HERC1: variants seen among roughly 807,000 people sequenced by gnomAD.
The protein encoded by HERC1 is probable E3 ubiquitin-protein ligase HERC1.
Under a neutral mutation model 554.3 loss-of-function variants are expected in HERC1, and 160 were observed. That is an observed-to-expected ratio of 0.29 (90% CI 0.25 to 0.33). HERC1 has a LOEUF of 0.33. HERC1 is among the 10% of genes least tolerant of loss of function. The probability of loss-of-function intolerance (pLI) is 1.00; values close to 1 mark genes in which losing one functional copy is unlikely to be tolerated. For synonymous variants in HERC1, 2,175 were observed against 2,131.7 expected (o/e 1.02, Z -0.56); for missense variants, 4,919 against 5,918.5 (o/e 0.83, Z 5.54).
intron 63 of HERC1, 135 bp from the exon 64 acceptor site, chr15:63,637,778 ATAT>A: frequency 1.8e-5 from 13 of 718,054 alleles, no homozygotes; most frequent in Non-Finnish European, 2.6e-5. Context: ...GGAAGAGTTG[ATAT>A]AACTATGCAG....
In HERC1 at chr15:63,612,645, CT is replaced by C; in HGVS notation, c.14095-90del. On this transcript the variant is annotated intron_variant, in intron 76 of 77. Coordinates refer to ENST00000443617, the MANE Select transcript of HERC1 (RefSeq NM_003922.4). This position sits in a 1 kb window ranked among gnomAD's most constrained non-coding sequence, Gnocchi z 5.0. ...TGTGGGGCTAGGCGCCTCCTGATGC[CT>C]GCTCGTCCGCTCCCCAGACCCTCTA... 7.7e-7 allele frequency: 1 copy of C among 1,292,472 alleles called. No individual in the cohort carries two copies. The highest frequency in any genetic ancestry group is 1.1e-6 in the Non-Finnish European group (1 of 937,410). The allele number at this position is 1,292,472 out of a possible 1,614,324, so 80.1% of individuals were successfully genotyped here.
chr15:63,621,757 T>C (rs1317156431), intron 74 of HERC1, among the ~76,000 whole-genome samples: 2 of 152,232 alleles, frequency 1.3e-5, no homozygotes, highest in Non-Finnish European at 2.9e-5. Context: ...CCATCACTGA[T>C]ACCCTTTCTT....
chr15:63,727,798 C>T lies in HERC1; in HGVS notation c.3195G>A (p.Gln1065=). 1 of 1,613,908 alleles carries T rather than the reference C, an allele frequency of 6.2e-7. No homozygotes were observed. Among genetic ancestry groups the T allele is most frequent in the Non-Finnish European group, 8.5e-7 (1 of 1,179,846 alleles). Residue 1065 remains glutamine (Q), a synonymous_variant, in exon 17 of 78, where the codon CAG becomes CAA. Coordinates refer to ENST00000443617, the MANE Select transcript of HERC1 (RefSeq NM_003922.4). The surrounding 1 kb of genome is among the most constrained non-coding windows in gnomAD (Gnocchi z 4.3). ...YVSAAGSMLC[Q]IVNSLLLLPV... is the part of the protein sequence containing the mutation. The stretch of plus-strand genomic sequence containing the variant: ...GGAGTAACAGCAGGGAGTTAACAAT[C>T]TGGCAGAGCATACTGCCAGCAGCTG...
chr15:63,640,367 G>A lies in HERC1; in HGVS notation c.11686C>T (p.Leu3896=). The A allele has an allele frequency of 1.2e-6, 2 of 1,613,830 alleles. No individual in the cohort carries two copies. Among genetic ancestry groups the A allele is most frequent in the African/African-American group, 1.3e-5 (1 of 75,022 alleles). ...GGAGGGTTACACAACAGCTGATCCAGATGAAGTCCCACAGCAAGGGAAGCC... is the reference window on the plus strand; with the variant it reads ...GGAGGGTTACACAACAGCTGATCCAAATGAAGTCCCACAGCAAGGGAAGCC... ...CLASLAVGLH[L]DQLLCNPPVP... The change falls in exon 61 of 78, where the codon CTG becomes TTG. Residue 3896 remains leucine, a synonymous_variant. Transcript: ENST00000443617.
At chr15:63,779,028 A>G (rs2076198272) in intron 1 of HERC1, among the ~76,000 whole-genome samples, 1 of 152,062 alleles carries the variant, frequency 6.6e-6, no homozygotes, top group South Asian at 2.1e-4. Flanking sequence ...AAATTATCTC[A>G]GCAATGAAGA....
At chr15:63,744,373 C>T (rs2074975146) in intron 12 of HERC1, among the ~76,000 whole-genome samples, 1 of 152,158 alleles carries the variant, frequency 6.6e-6, no homozygotes, top group African/African-American at 2.4e-5. Flanking sequence ...GCTCAAGACT[C>T]TGTGGTTCCA....
In HERC1 at chr15:63,630,577, G is replaced by C. The variant is rs773957715; in HGVS notation, c.12855C>G (p.Ile4285Met). ...CTATGATTACTCCAGCCAGGACAGG[G>C]ATTTGTTGCGGTCGATTGTGATTGC... ...RARNHNRPQQIPVLAGVIIED... is the reference protein window; with the variant it reads ...RARNHNRPQQMPVLAGVIIED... Residue 4285 changes from isoleucine to methionine, a missense_variant, in exon 69 of 78, where the codon ATC becomes ATG. Physicochemically the swap from Ile to Met is conservative, Grantham distance 10. Coordinates refer to ENST00000443617, the MANE Select transcript of HERC1 (RefSeq NM_003922.4). 2 of 1,614,006 alleles carry C rather than the reference G, an allele frequency of 1.2e-6. No individual in the cohort carries two copies. Among genetic ancestry groups the C allele is most frequent in the Non-Finnish European group, 1.7e-6 (2 of 1,179,886 alleles).
Position 63,654,304 on chromosome 15 carries a change from C to A in HERC1, c.10105G>T (p.Ala3369Ser), listed in dbSNP as rs771167079. ...EKKGPLELAN[A>S]LAACCLSSRL... ...GAGGAGAGGCAGCAGGCTGCCAGGGCATTAGCCAACTCCAGAGGGCCTACA... is the reference window on the plus strand; with the variant it reads ...GAGGAGAGGCAGCAGGCTGCCAGGGAATTAGCCAACTCCAGAGGGCCTACA... Residue 3369 changes from alanine to serine, a missense_variant, in exon 51 of 78, where the codon GCC (alanine) becomes TCC (serine). This residue lies in a region of HERC1 where 1,963 missense variants were observed against 2,228.6 expected (regional missense o/e 0.88). Coordinates refer to ENST00000443617, the MANE Select transcript of HERC1 (RefSeq NM_003922.4). 6 of 1,613,468 alleles carry A rather than the reference C, an allele frequency of 3.7e-6. No individual in the cohort carries two copies. Among genetic ancestry groups the A allele is most frequent in the Non-Finnish European group, 4.2e-6 (5 of 1,179,646 alleles).
At chr15:63,627,674 GAAA>G (rs534164130) in intron 70 of HERC1, among the ~76,000 whole-genome samples, 2 of 94,558 alleles carry the variant, frequency 2.1e-5, no homozygotes, top group Non-Finnish European at 2.2e-5. Flanking sequence ...ACTCTGTCTC[GAAA>G]AAAAAAAAAA....
intron 64 of HERC1, among the ~76,000 whole-genome samples, 200 bp downstream of exon 64, chr15:63,637,305 T>C (rs996831524): frequency 6.6e-6 from 1 of 152,244 alleles, no homozygotes; most frequent in African/African-American, 2.4e-5. Flanking sequence ...CACTGAATTC[T>C]AGCATTGCTA....
In HERC1 at chr15:63,664,547, G is replaced by A. The variant is rs1401268095; in HGVS notation, c.8603C>T (p.Pro2868Leu). The change falls in exon 43 of 78, where the codon CCA (proline) becomes CTA (leucine). Residue 2868 changes from proline to leucine, a missense_variant. Around this residue, in one of 11 missense-constraint regions of HERC1, gnomAD observed 1,963 missense variants for 2,228.6 expected, o/e 0.88. Transcript: ENST00000443617. Reference protein sequence around the residue: ...HTENAASGSGPSARGRSAVTR... With the variant: ...HTENAASGSGLSARGRSAVTR... ...TACCGCTGAGCGACCTCTAGCTGAT[G>A]GTCCACTTCCAGAAGCTGCATTCTC... 4 of 1,613,432 alleles carry A rather than the reference G, an allele frequency of 2.5e-6. No homozygotes were observed. Among genetic ancestry groups the A allele is most frequent in the Middle Eastern group, 1.6e-4 (1 of 6,082 alleles).
chr15:63,760,150 G>A (rs2075560065), intron 3 of HERC1, among the ~76,000 whole-genome samples: 1 of 151,982 alleles, frequency 6.6e-6, no homozygotes, highest in Non-Finnish European at 1.5e-5. Context: ...AGAAAGGAAA[G>A]ATGGAAAGGA....
At chr15:63,688,325 G>A (rs75897756) in intron 33 of HERC1, among the ~76,000 whole-genome samples, 4,601 of 152,208 alleles carry the variant, frequency 0.03, 224 homozygotes, top group African/African-American at 0.1. Context: ...TAGGAGGCTG[G>A]GAAAGCCTGG....
In HERC1 at chr15:63,694,366, G is replaced by A; in HGVS notation, c.5426C>T (p.Thr1809Ile). Residue 1809 changes from threonine (T) to isoleucine (I), a missense_variant, in exon 29 of 78, where the codon ACA (threonine) becomes ATA (isoleucine). By Grantham distance (89) the Thr-to-Ile change is moderately conservative. This residue lies in a region of HERC1 where 1,121 missense variants were observed against 1,244.0 expected (regional missense o/e 0.90). Transcript: ENST00000443617. This position sits in a 1 kb window ranked among gnomAD's most constrained non-coding sequence, Gnocchi z 4.3. ...CCTTGTACTGGCCACTTTCAAAGCT[G>A]TGCTAAGCTGGGAAACACCCGTCTT... is the stretch of plus-strand genomic sequence containing the variant. ...LPKTGVSQLS[T>I]ALKVASTRLL... The A allele has an allele frequency of 1.2e-6, 2 of 1,613,948 alleles. No individual in the cohort carries two copies. The highest frequency in any genetic ancestry group is 1.7e-6 in the Non-Finnish European group (2 of 1,179,882).
At chr15:63,817,149 A>G (rs376919603) in intron 1 of HERC1, among the ~76,000 whole-genome samples, 2 of 152,240 alleles carry the variant, frequency 1.3e-5, no homozygotes, top group Non-Finnish European at 2.9e-5. Flanking sequence ...CTAAAGATTT[A>G]AAATGATGTA....
rs1238302788 is a variant in HERC1, at chr15:63,757,366, G to A, written c.1222-618C>T. Among the ~76,000 whole-genome samples, 4 of 145,516 alleles carry A rather than the reference G, an allele frequency of 2.7e-5. No individual in the cohort carries two copies. The Admixed American group carries it at 2.9e-4, about 11-fold the overall frequency. On this transcript the variant is annotated intron_variant, in intron 4 of 77. Transcript: ENST00000443617. ...TATAACCTCCACTTACCAGGTTCAA[G>A]CAATTCCTGCCTCAGCCCCCTGAGT...
chr15:63,804,152 G>A (rs186286625), intron 1 of HERC1, among the ~76,000 whole-genome samples: 5 of 152,232 alleles, frequency 3.3e-5, no homozygotes, highest in Admixed American at 2.0e-4. Context: ...TTCACAGACC[G>A]AAACGTAAGA....
At chr15:63,790,598 A>G (rs2144141441) in intron 1 of HERC1, among the ~76,000 whole-genome samples, 1 of 136,640 alleles carries the variant, frequency 7.3e-6, no homozygotes, top group African/African-American at 2.7e-5. Flanking sequence ...TTTTTTTTTA[A>G]AAAGTACTTT....
chr15:63,777,731 G>A (rs1452430674), intron 1 of HERC1, among the ~76,000 whole-genome samples: 1 of 151,640 alleles, frequency 6.6e-6, no homozygotes, highest in East Asian at 1.9e-4. Flanking sequence ...TTCCATTCTT[G>A]GTCAAAAGAG....
Sources: allele counts gnomAD v4.1 joint callset (sites outside exome capture counted in the v4.1 genomes callset), GRCh38; gene constraint gnomAD v4.1.1; regional missense constraint gnomAD v4.1.1; non-coding constraint Gnocchi (gnomAD v3.1); transcripts MANE v1.5; gene names NCBI Gene and HGNC (gene_info 2026-07-23, HGNC 2026-07-21).